The following SUPT3H variants were observed in gnomAD, a reference collection of about 807,000 sequenced individuals.
SUPT3H encodes transcription initiation protein SPT3 homolog.
Under a neutral mutation model 44.3 loss-of-function variants are expected in SUPT3H, and 44 were observed. That is an observed-to-expected ratio of 0.99 (90% CI 0.78 to 1.28). The LOEUF (loss-of-function observed/expected upper bound fraction) is 1.28, where lower values mean the gene tolerates loss of function less well. SUPT3H is among the 50% of genes most tolerant of loss of function. The pLI is 0.00. For synonymous variants in SUPT3H, 124 were observed against 125.6 expected (o/e 0.99, Z 0.09); for missense variants, 380 against 387.1 (o/e 0.98, Z 0.15).
chr6:45,038,738 C>CATACACAATTTGAAGGA (rs2153528517), intron 3 of SUPT3H, among the ~76,000 whole-genome samples: 1 of 151,980 alleles, frequency 6.6e-6, no homozygotes, highest in South Asian at 2.1e-4. Flanking sequence ...GAATACAGCA[C>CATACACAATTTGAAGGA]ATAAAATACA....
At chr6:44,989,220 G>A (rs1015612128) in intron 6 of SUPT3H, among the ~76,000 whole-genome samples, 2 of 152,114 alleles carry the variant, frequency 1.3e-5, no homozygotes, top group African/African-American at 4.8e-5. Context: ...GCATGTATAA[G>A]TGAGATCATG....
chr6:44,951,252 TA>T (rs60174135), intron 9 of SUPT3H, among the ~76,000 whole-genome samples: 1 of 150,590 alleles, frequency 6.6e-6, no homozygotes, highest in African/African-American at 2.5e-5. Context: ...TTTTTTTTTT[TA>T]AACTTCTGTA....
chr6:45,047,718 C>CT (rs1475252159), intron 3 of SUPT3H, among the ~76,000 whole-genome samples: 1 of 152,004 alleles, frequency 6.6e-6, no homozygotes, highest in Non-Finnish European at 1.5e-5. Context: ...CACTAGTGTG[C>CT]AAAGGTTCTC....
In SUPT3H at chr6:45,003,781, C is replaced by T. The variant is rs765705248; in HGVS notation, c.376G>A (p.Gly126Ser). Reference sequence around the variant, plus strand: ...TGTCTTTTGTTCGCATTATTGCTGCCACTCAATTTGTCTTCATGAAGTCAA... The same window carrying T: ...TGTCTTTTGTTCGCATTATTGCTGCTACTCAATTTGTCTTCATGAAGTCAA... Reference protein sequence around the residue: ...EDDLLEDKLSGSNNANKRQKI... With the variant: ...EDDLLEDKLSSSNNANKRQKI... The change falls in exon 6 of 11, where the codon GGC (glycine) becomes AGC (serine). Residue 126 changes from glycine to serine, a missense_variant. Physicochemically the swap from Gly to Ser is moderately conservative, Grantham distance 56. Coordinates refer to ENST00000371459, the MANE Select transcript of SUPT3H (RefSeq NM_003599.4). 15 of 1,613,268 alleles carry T rather than the reference C, an allele frequency of 9.3e-6. No homozygotes were observed. The highest frequency in any genetic ancestry group is 1.3e-5 in the Non-Finnish European group (15 of 1,179,704).
intron 3 of SUPT3H, among the ~76,000 whole-genome samples, chr6:45,032,857 C>G (rs755637146): frequency 6.6e-6 from 1 of 152,102 alleles, no homozygotes; most frequent in Non-Finnish European, 1.5e-5. Context: ...TTCCTTTCTA[C>G]TAGGATGCAA....
At chr6:44,929,710 G>A (rs1169654162) in intron 10 of SUPT3H, among the ~76,000 whole-genome samples, 1 of 151,644 alleles carries the variant, frequency 6.6e-6, no homozygotes, top group Non-Finnish European at 1.5e-5. Context: ...CCTCAGAGTG[G>A]ACCTTAGGGA....
In SUPT3H at chr6:45,203,390, T is replaced by C. The variant is rs530861150; in HGVS notation, c.102-97384A>G. 5.9e-5 allele frequency among the ~76,000 whole-genome samples: 9 copies of C among 152,300 alleles called. No homozygotes were observed. In the East Asian group the frequency reaches 1.7e-3, roughly 29 times the overall value. ...TCCTGTTAATTCTACCTCTTAAGTA[T>C]ATCCTGAGTTGTCTTTAGTTCCCCA... On this transcript the variant is annotated intron_variant, in intron 2 of 10. Transcript: ENST00000371459.
At chr6:45,288,730 A>C (rs1448195590) in intron 2 of SUPT3H, among the ~76,000 whole-genome samples, 1 of 150,952 alleles carries the variant, frequency 6.6e-6, no homozygotes, top group Admixed American at 6.6e-5. Flanking sequence ...ACTTTAATAT[A>C]TTCTAAATAT....
intron 6 of SUPT3H, among the ~76,000 whole-genome samples, chr6:44,998,374 T>C (rs1178733849): frequency 6.6e-6 from 1 of 151,944 alleles, no homozygotes; most frequent in Non-Finnish European, 1.5e-5. Context: ...AAAACACTCA[T>C]TCATCAAGAT....
intron 2 of SUPT3H, among the ~76,000 whole-genome samples, chr6:45,191,268 TG>T (rs1375073314): frequency 2.0e-5 from 3 of 151,982 alleles, no homozygotes; most frequent in Non-Finnish European, 4.4e-5. Context: ...TGAAAAGACA[TG>T]GAAGAACCTT....
At chr6:45,239,037 TAA>T (rs1416647290) in intron 2 of SUPT3H, among the ~76,000 whole-genome samples, 4 of 152,178 alleles carry the variant, frequency 2.6e-5, no homozygotes, top group African/African-American at 9.7e-5. Flanking sequence ...GATCGAAAGG[TAA>T]AGTTTTTCAG....
At chr6:44,886,421 G>A (rs28892303) in intron 10 of SUPT3H, among the ~76,000 whole-genome samples, 20 of 152,254 alleles carry the variant, frequency 1.3e-4, no homozygotes, top group Middle Eastern at 3.4e-3. Flanking sequence ...CTGATCTCTC[G>A]CCAGAAACTC....
intron 2 of SUPT3H, among the ~76,000 whole-genome samples, chr6:45,241,977 A>G (rs1770432326): frequency 1.3e-5 from 2 of 152,214 alleles, no homozygotes; most frequent in Admixed American, 1.3e-4. Context: ...ACTCTATCCA[A>G]TAAAACATGA....
intron 2 of SUPT3H, among the ~76,000 whole-genome samples, chr6:45,216,341 G>A (rs767000999): frequency 1.0e-3 from 157 of 152,060 alleles, no homozygotes; most frequent in African/African-American, 3.6e-3. Context: ...GCTTATCACT[G>A]CAAAAAGAAA....
chr6:44,866,071 G>A (rs571743363), intron 10 of SUPT3H, among the ~76,000 whole-genome samples: 1 of 150,446 alleles, frequency 6.6e-6, no homozygotes, highest in South Asian at 2.1e-4. Context: ...AAATGTTGAG[G>A]TGAGGAAGAA....
At chr6:45,006,640 C>T (rs546721508) in intron 5 of SUPT3H, among the ~76,000 whole-genome samples, 33 of 152,204 alleles carry the variant, frequency 2.2e-4, no homozygotes, top group Non-Finnish European at 3.5e-4. Flanking sequence ...TTTCTTCTAA[C>T]GTTTCACCCT....
At chr6:45,104,678 C>T (rs1216715032) in intron 3 of SUPT3H, among the ~76,000 whole-genome samples, 1 of 151,336 alleles carries the variant, frequency 6.6e-6, no homozygotes, top group Non-Finnish European at 1.5e-5. Flanking sequence ...AATCCATTAA[C>T]AATAGCAACA....
At chr6:45,275,055 T>A (rs955692898) in intron 2 of SUPT3H, among the ~76,000 whole-genome samples, 1 of 152,200 alleles carries the variant, frequency 6.6e-6, no homozygotes, top group Non-Finnish European at 1.5e-5. Flanking sequence ...TTGGTATATA[T>A]GTTTTATATG....
At chr6:45,172,082 T>A in intron 2 of SUPT3H, among the ~76,000 whole-genome samples, 1 of 150,422 alleles carries the variant, frequency 6.6e-6, no homozygotes. Flanking sequence ...CTTTTTTTTT[T>A]TTTCTTTTTG....
Sources: allele counts gnomAD v4.1 joint callset (sites outside exome capture counted in the v4.1 genomes callset), GRCh38; gene constraint gnomAD v4.1.1; transcripts MANE v1.5; gene names NCBI Gene and HGNC (gene_info 2026-07-23, HGNC 2026-07-21).